SMG6: variants seen among roughly 807,000 people sequenced by gnomAD.
The protein encoded by SMG6 is SMG6 nonsense mediated mRNA decay factor, also known as telomerase-binding protein EST1A.
A neutral mutation model predicts 142.2 loss-of-function variants in SMG6; 66 were observed. The observed-to-expected ratio is 0.46, with a 90% CI of 0.38 to 0.57. The LOEUF (loss-of-function observed/expected upper bound fraction) is 0.57, where lower values mean the gene tolerates loss of function less well. Ranked by LOEUF, SMG6 falls within the 20% of genes least tolerant of loss-of-function variation. The pLI is 0.00. For synonymous variants in SMG6, 779 were observed against 702.4 expected (o/e 1.11, Z -1.72); for missense variants, 1,793 against 1,832.0 (o/e 0.98, Z 0.39).
chr17:2,127,308 T>C, intron 13 of SMG6: 4 of 415,678 alleles, frequency 9.6e-6, no homozygotes, highest in Non-Finnish European at 1.8e-5. Flanking sequence ...GTTCTGGAAA[T>C]GGATAGTAGT....
intron 10 of SMG6, among the ~76,000 whole-genome samples, chr17:2,229,755 C>G (rs1244790146): frequency 1.3e-5 from 2 of 152,172 alleles, no homozygotes; most frequent in African/African-American, 4.8e-5. Context: ...TTCAACACTT[C>G]CCACCCCTCA....
intron 16 of SMG6, among the ~76,000 whole-genome samples, chr17:2,066,372 CTGTGTG>C (rs57221830): frequency 5.3e-5 from 8 of 149,580 alleles, no homozygotes; most frequent in Admixed American, 1.3e-4. Flanking sequence ...GTATATGTCT[CTGTGTG>C]TGTGTGTGTG....
chr17:2,104,967 A>T (rs1203499446), intron 13 of SMG6, among the ~76,000 whole-genome samples: 3 of 151,738 alleles, frequency 2.0e-5, no homozygotes, highest in Non-Finnish European at 2.9e-5. Flanking sequence ...GCCCAGGCTG[A>T]GTGCAATGGT....
chr17:2,264,901 C>CAA (rs112246827), intron 8 of SMG6, among the ~76,000 whole-genome samples: 3 of 117,684 alleles, frequency 2.5e-5, no homozygotes, highest in Non-Finnish European at 5.5e-5. Flanking sequence ...AACCCCATCT[C>CAA]AAAAAAAAAA....
chr17:2,102,608 T>C (rs995622227), intron 13 of SMG6, among the ~76,000 whole-genome samples: 2 of 147,720 alleles, frequency 1.4e-5, no homozygotes, highest in East Asian at 2.0e-4. Flanking sequence ...TGGTGTCAAG[T>C]GATCATCCTG....
chr17:2,248,889 A>C (rs1457912850), intron 8 of SMG6, among the ~76,000 whole-genome samples: 2 of 139,884 alleles, frequency 1.4e-5, no homozygotes, highest in African/African-American at 5.0e-5. Flanking sequence ...TACTTTGGAG[A>C]ACTTTTTTTT....
At chr17:2,244,823 G>T in intron 8 of SMG6, 104 bp from the exon 9 acceptor site, 3 of 931,478 alleles carry the variant, frequency 3.2e-6, no homozygotes, top group East Asian at 2.5e-5. Context: ...GGTCTAAGGG[G>T]TGGGCACTAG....
At chr17:2,211,524 C>A (rs1001569286) in intron 10 of SMG6, among the ~76,000 whole-genome samples, 1 of 151,860 alleles carries the variant, frequency 6.6e-6, no homozygotes, top group Non-Finnish European at 1.5e-5. Flanking sequence ...ATTAGCCGGG[C>A]GTGGTGGTGG....
At chr17:2,139,188 A>C (rs2070395480) in intron 13 of SMG6, among the ~76,000 whole-genome samples, 1 of 152,248 alleles carries the variant, frequency 6.6e-6, no homozygotes, top group Non-Finnish European at 1.5e-5. Flanking sequence ...CTACAGAGGC[A>C]TCTAACAATG....
At chr17:2,181,341 G>A (rs1302913082) in intron 12 of SMG6, among the ~76,000 whole-genome samples, 2 of 152,174 alleles carry the variant, frequency 1.3e-5, no homozygotes, top group Non-Finnish European at 2.9e-5. Flanking sequence ...TCTGTTGAAC[G>A]CGGGCACCAG....
intron 13 of SMG6, among the ~76,000 whole-genome samples, chr17:2,145,026 T>G (rs187603232): frequency 6.6e-6 from 1 of 152,334 alleles, no homozygotes; most frequent in African/African-American, 2.4e-5. Flanking sequence ...CTTTTGTTCA[T>G]TTAGTTCTTA....
At chr17:2,163,210 A>G (rs2071235200) in intron 13 of SMG6, among the ~76,000 whole-genome samples, 1 of 152,044 alleles carries the variant, frequency 6.6e-6, no homozygotes, top group Admixed American at 6.6e-5. Context: ...TTTTTTAGAC[A>G]GGGTCTTGCT....
intron 10 of SMG6, among the ~76,000 whole-genome samples, chr17:2,210,965 A>G (rs1345234986): frequency 6.6e-6 from 1 of 152,032 alleles, no homozygotes; most frequent in Non-Finnish European, 1.5e-5. Context: ...TTCTTTCAAG[A>G]GCATTCCCAA....
chr17:2,250,961 G>A (rs1567718359), intron 8 of SMG6, among the ~76,000 whole-genome samples: 1 of 151,864 alleles, frequency 6.6e-6, no homozygotes, highest in Non-Finnish European at 1.5e-5. Flanking sequence ...AACAAGATAG[G>A]GTCTCTGATG....
chr17:2,143,287 T>C (rs1036878812), intron 13 of SMG6, among the ~76,000 whole-genome samples: 5 of 152,202 alleles, frequency 3.3e-5, no homozygotes, highest in African/African-American at 1.2e-4. Flanking sequence ...CAAATGTTCA[T>C]ATCAACATTA....
chr17:2,169,990 A>G (rs2151645519), intron 13 of SMG6, among the ~76,000 whole-genome samples: 1 of 152,254 alleles, frequency 6.6e-6, no homozygotes, highest in African/African-American at 2.4e-5. Flanking sequence ...TTAGATATGG[A>G]AGTGTGACAA....
At chr17:2,184,363 GAA>G (rs59286755) in intron 12 of SMG6, among the ~76,000 whole-genome samples, 55 of 135,882 alleles carry the variant, frequency 4.0e-4, no homozygotes, top group African/African-American at 1.4e-3. Context: ...ACTCTGGGGG[GAA>G]AAAAAAAAAG....
At chr17:2,082,012 C>T in intron 14 of SMG6, 56 bp from the exon 15 acceptor site, 1 of 1,597,276 alleles carries the variant, frequency 6.3e-7, no homozygotes, top group South Asian at 1.1e-5. Context: ...GGGCCCATGG[C>T]TCTTACTGAA....
intron 10 of SMG6, chr17:2,232,568 G>A (rs1245772210): frequency 6.6e-6 from 1 of 152,126 alleles, no homozygotes; most frequent in Non-Finnish European, 1.5e-5. Context: ...CCTATGCCAA[G>A]GCCCTCAAAC....
Sources: allele counts gnomAD v4.1 joint callset (sites outside exome capture counted in the v4.1 genomes callset), GRCh38; gene constraint gnomAD v4.1.1; transcripts MANE v1.5; gene names NCBI Gene and HGNC (gene_info 2026-07-23, HGNC 2026-07-21).